Variants in ERICH3 observed in about 807,000 individuals in gnomAD.
ERICH3 encodes glutamate-rich protein 3.
ERICH3 carries 126 observed loss-of-function variants against 131.1 expected under a neutral mutation model. That is an observed-to-expected ratio of 0.96 (90% CI 0.83 to 1.11). The LOEUF (loss-of-function observed/expected upper bound fraction) is 1.11. Among genes scored for constraint, ERICH3 ranks in the 50% most tolerant of loss-of-function variants. The pLI is 0.00. For synonymous variants in ERICH3, 695 were observed against 644.6 expected (o/e 1.08, Z -1.18); for missense variants, 2,050 against 1,810.7 (o/e 1.13, Z -2.40).
At chr1:74,671,346 C>G (rs997441043) in intron 1 of ERICH3, among the ~76,000 whole-genome samples, 1 of 152,034 alleles carries the variant, frequency 6.6e-6, no homozygotes, top group Non-Finnish European at 1.5e-5. Context: ...GATCTTTGTT[C>G]TGCTTTTTGC....
At chr1:74,600,353 G>A (rs1053570702) in intron 10 of ERICH3, among the ~76,000 whole-genome samples, 4 of 151,770 alleles carry the variant, frequency 2.6e-5, no homozygotes, top group African/African-American at 9.7e-5. Context: ...AAAATATTTG[G>A]ATATCAACTT....
intron 1 of ERICH3, among the ~76,000 whole-genome samples, chr1:74,658,028 G>A (rs1209776233): frequency 6.6e-6 from 1 of 152,104 alleles, no homozygotes; most frequent in Non-Finnish European, 1.5e-5. Flanking sequence ...AGTGCATAGA[G>A]TAAACACTCT....
chr1:74,589,222 G>A (rs1341655347), intron 12 of ERICH3: 5 of 224,052 alleles, frequency 2.2e-5, no homozygotes, highest in Admixed American at 5.0e-5. Context: ...TGCCTGGAAC[G>A]TAGTAAGCAC....
intron 9 of ERICH3, among the ~76,000 whole-genome samples, chr1:74,612,241 TTAAGGCTCAGTCTAAAACCAGTTAC>T (rs2100596726): frequency 6.6e-6 from 1 of 152,176 alleles, no homozygotes; most frequent in South Asian, 2.1e-4. Context: ...GGCACACACT[TTAAGGCTCAGTCTAAAACCAGTTAC>T]TAAGATGAAT....
At chr1:74,668,707 G>A (rs1184127921) in intron 1 of ERICH3, among the ~76,000 whole-genome samples, 2 of 152,076 alleles carry the variant, frequency 1.3e-5, no homozygotes, top group African/African-American at 2.4e-5. Flanking sequence ...ATTTAAAAGA[G>A]CAGAATCTAT....
At position 74,571,412 on chromosome 1, in the gene ERICH3, G is replaced by A. The variant is rs1322145539; in HGVS notation, c.4298C>T (p.Thr1433Ile). 1 of 1,613,858 alleles carries A rather than the reference G, an allele frequency of 6.2e-7. No homozygotes were observed. The highest frequency in any genetic ancestry group is 8.5e-7 in the Non-Finnish European group (1 of 1,179,962). Residue 1433 changes from threonine to isoleucine, a missense_variant, in exon 14 of 15, where the codon ACT (threonine) becomes ATT (isoleucine). Coordinates refer to ENST00000326665, the MANE Select transcript of ERICH3 (RefSeq NM_001002912.5). ...GGTCTTCCGCTCCAGGGCTCCTGGA[G>A]TGCCCACCCCAGCCTCTGTTGTATA... ...VTYTTEAGVG[T>I]PGALERKTSG...
intron 3 of ERICH3, among the ~76,000 whole-genome samples, chr1:74,644,094 G>A (rs567195167): frequency 7.9e-5 from 12 of 152,004 alleles, no homozygotes; most frequent in African/African-American, 2.9e-4. Flanking sequence ...AGACATATTT[G>A]AGAGTGTTTT....
intron 1 of ERICH3, among the ~76,000 whole-genome samples, chr1:74,658,765 C>T (rs1158598563): frequency 3.3e-5 from 5 of 152,146 alleles, no homozygotes; most frequent in Non-Finnish European, 7.4e-5. Flanking sequence ...TACCCCCACC[C>T]TCTGAAATAC....
At chr1:74,659,121 A>T (rs1007965960) in intron 1 of ERICH3, among the ~76,000 whole-genome samples, 4 of 152,152 alleles carry the variant, frequency 2.6e-5, no homozygotes, top group Non-Finnish European at 5.9e-5. Flanking sequence ...AAGAAAATGA[A>T]GTCTGAGCCA....
chr1:74,663,622 TAAAAAA>T (rs75939047), intron 1 of ERICH3, among the ~76,000 whole-genome samples: 6 of 131,886 alleles, frequency 4.5e-5, no homozygotes, highest in African/African-American at 1.7e-4. Flanking sequence ...TGATTTTTGT[TAAAAAA>T]AAAAAAAAAA....
In ERICH3 at chr1:74,635,475, T is replaced by C. The variant is rs1454933243; in HGVS notation, c.603+805A>G. On this transcript the variant is annotated intron_variant, in intron 6 of 14. Transcript: ENST00000326665. The stretch of plus-strand genomic sequence containing the variant: ...TCTTAGTGTCAAGGTTATCTGTCAA[T>C]TAAAAATAAAAATATCTTAATTTCA... 3.9e-5 allele frequency among the ~76,000 whole-genome samples: 6 copies of C among 152,278 alleles called. No individual in the cohort carries two copies. The East Asian group carries it at 1.2e-3, about 29-fold the overall frequency.
At chr1:74,612,592 G>A in intron 9 of ERICH3, 31 bp downstream of exon 9, 1 of 1,489,550 alleles carries the variant, frequency 6.7e-7, no homozygotes. Flanking sequence ...AGCAAAACTT[G>A]CCCTCTACCA....
At chr1:74,650,586 A>G (rs1646524239) in intron 1 of ERICH3, among the ~76,000 whole-genome samples, 1 of 152,094 alleles carries the variant, frequency 6.6e-6, no homozygotes, top group African/African-American at 2.4e-5. Context: ...GATATCCAAT[A>G]CGGCTGGTAA....
intron 1 of ERICH3, 108 bp downstream of exon 1, chr1:74,673,389 C>A: frequency 7.3e-7 from 1 of 1,362,644 alleles, no homozygotes; most frequent in Non-Finnish European, 1.0e-6. Flanking sequence ...CCAGCCCTCC[C>A]CCTCGCTCCC....
intron 1 of ERICH3, among the ~76,000 whole-genome samples, chr1:74,658,487 G>C (rs1263590208): frequency 6.6e-6 from 1 of 151,892 alleles, no homozygotes; most frequent in Non-Finnish European, 1.5e-5. Flanking sequence ...CTCTGTCAAT[G>C]AACAATCAAC....
chr1:74,572,225 C>T lies in ERICH3; in HGVS notation c.3485G>A (p.Gly1162Glu). 1 of 1,614,152 alleles carries T rather than the reference C, an allele frequency of 6.2e-7. No homozygotes were observed. Among genetic ancestry groups the T allele is most frequent in the Non-Finnish European group, 8.5e-7 (1 of 1,180,028 alleles). Residue 1162 changes from glycine to glutamate, a missense_variant, in exon 14 of 15, where the codon GGA becomes GAA. Physicochemically the swap from Gly to Glu is moderately conservative, Grantham distance 98 (BLOSUM62 -2). Coordinates refer to ENST00000326665, the MANE Select transcript of ERICH3 (RefSeq NM_001002912.5). ...TATGTTTTCCAGCGACTTTTCAAAT[C>T]CAGGCGTTGCTTCAAATATGGGAAC... ...TVVPIFEATP[G>E]FEKSLENITA...
intron 7 of ERICH3, chr1:74,626,174 T>C (rs1649408913): frequency 6.6e-6 from 1 of 152,226 alleles, no homozygotes; most frequent in Non-Finnish European, 1.5e-5. Context: ...GCCTTCTATT[T>C]CTATTGGACA....
intron 5 of ERICH3, among the ~76,000 whole-genome samples, chr1:74,639,086 G>A (rs1416545709): frequency 6.6e-6 from 1 of 152,060 alleles, no homozygotes; most frequent in Non-Finnish European, 1.5e-5. Context: ...AAGCCTATAT[G>A]GTCCAAAAGG....
rs1263022767 is a variant in ERICH3, at chr1:74,577,134, C to A, written c.2177-198G>T. The stretch of plus-strand genomic sequence containing the variant: ...TAATCTAATGTTCTTTTATTTAATC[C>A]TAGACATCAATATATTCAAAAAATA... On this transcript the variant is annotated intron_variant, in intron 12 of 14. Transcript: ENST00000326665. The A allele has an allele frequency of 1.2e-5, 6 of 498,006 alleles. No individual in the cohort carries two copies. The East Asian group carries it at 1.2e-4, about 10-fold the overall frequency. The allele number at this position is 498,006 out of a possible 1,614,324, so 30.8% of individuals were successfully genotyped here.
Sources: gnomAD v4.1 joint callset for allele counts (sites outside exome capture counted in the v4.1 genomes callset) on GRCh38, gnomAD v4.1.1 for gene constraint, MANE v1.5 for transcripts, NCBI Gene and HGNC (gene_info 2026-07-23, HGNC 2026-07-21) for gene names.